MDGA2: variants seen among roughly 807,000 people sequenced by gnomAD.
MDGA2 encodes the protein MAM domain containing glycosylphosphatidylinositol anchor 2, also known as MAM domain-containing glycosylphosphatidylinositol anchor protein 2.
In MDGA2, 40 loss-of-function variants were observed where a neutral mutation model predicts 117.8. The observed-to-expected ratio is 0.34, with a 90% CI of 0.26 to 0.44. The LOEUF is 0.44. MDGA2 is among the 20% of genes least tolerant of loss of function. The probability of loss-of-function intolerance (pLI) is 1.00; values close to 1 mark genes in which losing one functional copy is unlikely to be tolerated. For synonymous variants in MDGA2, 452 were observed against 439.0 expected, an observed-to-expected ratio of 1.03 and a Z score of -0.37; for missense variants, 1,123 against 1,250.6, an observed-to-expected ratio of 0.90 and a Z score of 1.54.
At chr14:47,356,328 T>C (rs1301379730) in intron 1 of MDGA2, among the ~76,000 whole-genome samples, 2 of 152,234 alleles carry the variant, frequency 1.3e-5, no homozygotes, top group Non-Finnish European at 2.9e-5. Flanking sequence ...TCTTTCACTC[T>C]GTTAGGTCCT....
At chr14:47,513,470 C>T (rs1015255961) in intron 1 of MDGA2, among the ~76,000 whole-genome samples, 4 of 152,036 alleles carry the variant, frequency 2.6e-5, no homozygotes, top group Non-Finnish European at 5.9e-5. Flanking sequence ...ACTTTTCCTA[C>T]CCACTCATTC....
At chr14:47,503,642 G>C (rs1338089474) in intron 1 of MDGA2, among the ~76,000 whole-genome samples, 1 of 151,994 alleles carries the variant, frequency 6.6e-6, no homozygotes, top group African/African-American at 2.4e-5. Flanking sequence ...TTGACCTCGT[G>C]ATCTGCCCGC....
rs570985246 is a variant in MDGA2 at position 47,660,042 on chromosome 14, C to A, written c.280+14475G>T. ...TTCACAAAATCAGTGCTTCTCCATG[C>A]TTTTTTTTTTTAAAGAAGAGATCTG... On this transcript the variant is annotated intron_variant, in intron 1 of 16. Coordinates refer to ENST00000399232, the MANE Select transcript of MDGA2 (RefSeq NM_001113498.3). 3.5e-4 allele frequency among the ~76,000 whole-genome samples: 51 copies of A among 146,140 alleles called. No homozygotes were observed. The South Asian group carries it at 7.1e-3, about 20-fold the overall frequency.
At position 47,544,844 on chromosome 14, in the gene MDGA2, T is replaced by C. The variant is rs570997374; in HGVS notation, c.280+129673A>G. On this transcript the variant is annotated intron_variant, in intron 1 of 16. Transcript: ENST00000399232. Reference sequence around the variant, plus strand: ...GTAATATTACAGGGCCAATATGAAATAGCTTATTCCCAGAACCCTTTAGAT... The same window carrying C: ...GTAATATTACAGGGCCAATATGAAACAGCTTATTCCCAGAACCCTTTAGAT... Among the ~76,000 whole-genome samples the C allele has an allele frequency of 5.1e-4, 78 of 152,202 alleles. 1 individual carries two copies. The highest frequency in any genetic ancestry group is 9.2e-4 in the Admixed American group (14 of 15,282).
intron 1 of MDGA2, among the ~76,000 whole-genome samples, chr14:47,518,213 T>C (rs963489790): frequency 6.6e-6 from 1 of 152,084 alleles, no homozygotes; most frequent in Non-Finnish European, 1.5e-5. Flanking sequence ...CCAGAAAAAC[T>C]TGCTAAATTT....
intron 3 of MDGA2, among the ~76,000 whole-genome samples, chr14:47,176,944 C>G (rs1384148632): frequency 1.3e-5 from 2 of 151,854 alleles, no homozygotes; most frequent in African/African-American, 4.8e-5. Flanking sequence ...TGAACTCAAA[C>G]AAATTTATAA....
intron 11 of MDGA2, among the ~76,000 whole-genome samples, chr14:46,878,856 T>G (rs1411231158): frequency 6.6e-6 from 1 of 152,086 alleles, no homozygotes; most frequent in Non-Finnish European, 1.5e-5. Context: ...TAAGATATGT[T>G]GTATGTACAT....
In MDGA2 at chr14:47,538,327, A is replaced by G. The variant is rs1438366903; in HGVS notation, c.280+136190T>C. 2.0e-5 allele frequency among the ~76,000 whole-genome samples: 3 copies of G among 152,300 alleles called. No homozygotes were observed. The East Asian group carries it at 5.8e-4, about 29-fold the overall frequency. On this transcript the variant is annotated intron_variant, in intron 1 of 16. Coordinates refer to ENST00000399232, the MANE Select transcript of MDGA2 (RefSeq NM_001113498.3). ...GTGAATTATTTTTTTTTCTACAATT[A>G]GGAGAATCTGGTCAGTGCATAATTT...
chr14:47,467,612 T>A lies in MDGA2; in HGVS notation c.281-166062A>T, dbSNP rs540398814. On this transcript the variant is annotated intron_variant, in intron 1 of 16. Transcript: ENST00000399232. ...TACATTGAAAGTCTCTGAGAGCCAT[T>A]TTGCTTGGGTATGAATCCTCACTCT... 2.0e-5 allele frequency among the ~76,000 whole-genome samples: 3 copies of A among 152,132 alleles called. No homozygotes were observed. In the East Asian group the frequency reaches 5.8e-4, roughly 29 times the overall value.
intron 1 of MDGA2, among the ~76,000 whole-genome samples, chr14:47,655,492 C>CA (rs1274774522): frequency 6.6e-6 from 1 of 152,014 alleles, no homozygotes; most frequent in Non-Finnish European, 1.5e-5. Flanking sequence ...ACCGAATAAG[C>CA]AAAAAGTGGC....
chr14:47,173,169 C>T (rs1255948919), intron 3 of MDGA2, among the ~76,000 whole-genome samples: 1 of 152,200 alleles, frequency 6.6e-6, no homozygotes, highest in Non-Finnish European at 1.5e-5. Context: ...AAATCTACGT[C>T]TGATTGGTGT....
chr14:47,579,527 G>A (rs1938246341), intron 1 of MDGA2, among the ~76,000 whole-genome samples: 1 of 151,854 alleles, frequency 6.6e-6, no homozygotes. Flanking sequence ...ATAATCCCTA[G>A]GAATGATGAA....
intron 2 of MDGA2, among the ~76,000 whole-genome samples, chr14:47,246,963 A>G (rs574767563): frequency 1.3e-5 from 2 of 151,938 alleles, no homozygotes; most frequent in East Asian, 3.9e-4. Flanking sequence ...GGCCAAAGCA[A>G]GAAGTTACTG....
intron 9 of MDGA2, among the ~76,000 whole-genome samples, chr14:46,944,509 G>A (rs937592390): frequency 6.6e-6 from 1 of 151,746 alleles, no homozygotes; most frequent in Non-Finnish European, 1.5e-5. Context: ...TCGTAAATTT[G>A]TGGAAAATTT....
chr14:47,523,647 C>T (rs1478152135), intron 1 of MDGA2, among the ~76,000 whole-genome samples: 4 of 152,284 alleles, frequency 2.6e-5, no homozygotes, highest in Non-Finnish European at 2.9e-5. Context: ...GGCACCTGCA[C>T]TTTGCTCTAA....
At chr14:47,325,550 G>A (rs1265231482) in intron 1 of MDGA2, among the ~76,000 whole-genome samples, 11 of 152,048 alleles carry the variant, frequency 7.2e-5, no homozygotes, top group Non-Finnish European at 1.5e-4. Flanking sequence ...TACTATAATA[G>A]ATCATCACTT....
At chr14:47,141,860 AGAATGTTCT>A (rs973229031) in intron 4 of MDGA2, among the ~76,000 whole-genome samples, 2 of 152,190 alleles carry the variant, frequency 1.3e-5, no homozygotes, top group African/African-American at 2.4e-5. Flanking sequence ...CAGCTAGACG[AGAATGTTCT>A]GAATGTTCTC....
intron 6 of MDGA2, among the ~76,000 whole-genome samples, chr14:47,086,331 TAA>T (rs1042092863): frequency 2.0e-5 from 3 of 152,020 alleles, no homozygotes; most frequent in African/African-American, 4.8e-5. Context: ...AAGGAACAAT[TAA>T]AGAATTATAT....
intron 14 of MDGA2, among the ~76,000 whole-genome samples, chr14:46,859,448 C>T (rs1344678552): frequency 6.6e-6 from 1 of 152,128 alleles, no homozygotes; most frequent in Non-Finnish European, 1.5e-5. Flanking sequence ...TTTCTGTTAC[C>T]CTGACCCACA....
Sources: allele counts gnomAD v4.1 joint callset (sites outside exome capture counted in the v4.1 genomes callset), GRCh38; gene constraint gnomAD v4.1.1; transcripts MANE v1.5; gene names NCBI Gene and HGNC (gene_info 2026-07-23, HGNC 2026-07-21).